The following PLEKHA7 variants were observed in gnomAD, a reference collection of about 807,000 sequenced individuals.
The protein encoded by PLEKHA7 is pleckstrin homology domain-containing family A member 7.
A neutral mutation model predicts 170.0 loss-of-function variants in PLEKHA7; 104 were observed. That is an observed-to-expected ratio of 0.61 (90% CI 0.52 to 0.72). The LOEUF is 0.72. Ranked by LOEUF, PLEKHA7 falls within the 30% of genes least tolerant of loss-of-function variation. The pLI is 0.00. For synonymous variants in PLEKHA7, 648 were observed against 660.8 expected (o/e 0.98, Z 0.30); for missense variants, 1,615 against 1,671.7 (o/e 0.97, Z 0.59).
chr11:16,794,808 C>T, intron 18 of PLEKHA7, 94 bp from the exon 19 acceptor site: 2 of 1,518,454 alleles, frequency 1.3e-6, no homozygotes, highest in Non-Finnish European at 1.8e-6. Context: ...GAAGACTCAA[C>T]CTCCCCAAGG....
rs12293137 is a variant in PLEKHA7 at position 16,910,019 on chromosome 11, G to A, written c.222-38837C>T. On this transcript the variant is annotated intron_variant, in intron 3 of 26. Coordinates refer to ENST00000531066, the MANE Select transcript of PLEKHA7 (RefSeq NM_001329630.2). Reference sequence around the variant, plus strand: ...GTAGATCAAATTTAAAGTGGGAGAGGGGAAGATTAACTTTATGGGAAGATG... The same window carrying A: ...GTAGATCAAATTTAAAGTGGGAGAGAGGAAGATTAACTTTATGGGAAGATG... 3.5e-3 allele frequency among the ~76,000 whole-genome samples: 538 copies of A among 152,014 alleles called. 6 individuals carry two copies. The highest frequency in any genetic ancestry group is 0.012 in the African/African-American group (509 of 41,472).
chr11:16,936,558 C>T (rs1860319515), intron 3 of PLEKHA7, among the ~76,000 whole-genome samples: 1 of 152,202 alleles, frequency 6.6e-6, no homozygotes, highest in African/African-American at 2.4e-5. Context: ...CTCTCCCAAT[C>T]ATTGGGCAAA....
intron 10 of PLEKHA7, 48 bp downstream of exon 10, chr11:16,826,069 CACT>C: frequency 6.5e-7 from 1 of 1,544,832 alleles, no homozygotes; most frequent in Non-Finnish European, 8.8e-7. Flanking sequence ...CAGCTCTTGC[CACT>C]ACATTATCGT....
At chr11:16,926,142 T>C (rs565385782) in intron 3 of PLEKHA7, among the ~76,000 whole-genome samples, 1 of 152,304 alleles carries the variant, frequency 6.6e-6, no homozygotes, top group African/African-American at 2.4e-5. Context: ...CCCTGGTAAA[T>C]TGCGGGAACG....
chr11:16,906,224 T>TAGGAAGGAAGGAAGGAACGAAGGA (rs1857655023), intron 3 of PLEKHA7, among the ~76,000 whole-genome samples: 8 of 116,222 alleles, frequency 6.9e-5, no homozygotes, highest in African/African-American at 3.0e-4. Flanking sequence ...TAAAATGAGG[T>TAGGAAGGAAGGAAGGAACGAAGGA]AGGAAGGAAG....
intron 8 of PLEKHA7, among the ~76,000 whole-genome samples, chr11:16,846,927 A>C (rs2135352814): frequency 6.6e-6 from 1 of 152,172 alleles, no homozygotes; most frequent in Non-Finnish European, 1.5e-5. Context: ...AACCATTTAC[A>C]GTGCAGTGAG....
At chr11:16,841,795 A>G in intron 8 of PLEKHA7, 73 bp from the exon 9 acceptor site, 1 of 1,469,888 alleles carries the variant, frequency 6.8e-7, no homozygotes, top group Non-Finnish European at 9.2e-7. Context: ...AAAAGCAAGG[A>G]GGCACTATGG....
intron 7 of PLEKHA7, among the ~76,000 whole-genome samples, chr11:16,852,072 T>C (rs1451799029): frequency 1.3e-5 from 2 of 152,202 alleles, no homozygotes; most frequent in Non-Finnish European, 2.9e-5. Flanking sequence ...CTCTCCAGAG[T>C]ACCTCAAAGG....
chr11:16,782,225 A>G (rs866600512), intron 26 of PLEKHA7, among the ~76,000 whole-genome samples: 27 of 152,224 alleles, frequency 1.8e-4, no homozygotes, highest in African/African-American at 6.5e-4. Context: ...ATTGGACTGC[A>G]AAGTCCCACT....
rs538718811 is a variant in PLEKHA7, at chr11:16,858,137, T to A, written c.306-2223A>T. On this transcript the variant is annotated intron_variant, in intron 4 of 26. Transcript: ENST00000531066. ...AAAACATCACCCATAGTCCAGCTAC[T>A]GAAAGGAAAACCATTTGTAACACTT... 2.0e-5 allele frequency among the ~76,000 whole-genome samples: 3 copies of A among 152,364 alleles called. No homozygotes were observed. In the East Asian group the frequency reaches 5.8e-4, roughly 29 times the overall value.
At chr11:16,892,432 G>GTTGTGTTTTGTTTTGTTT (rs763934828) in intron 3 of PLEKHA7, among the ~76,000 whole-genome samples, 3 of 115,022 alleles carry the variant, frequency 2.6e-5, no homozygotes, top group East Asian at 2.5e-4. Flanking sequence ...GTGTGTGTGT[G>GTTGTGTTTTGTTTTGTTT]TGTTTTGTTT....
chr11:16,971,878 C>T (rs1367164868), intron 3 of PLEKHA7, among the ~76,000 whole-genome samples: 3 of 151,950 alleles, frequency 2.0e-5, no homozygotes, highest in African/African-American at 4.8e-5. Flanking sequence ...GGCTGGAGTG[C>T]AGTGGCACCA....
At chr11:16,971,498 G>A (rs1205517944) in intron 3 of PLEKHA7, among the ~76,000 whole-genome samples, 2 of 152,224 alleles carry the variant, frequency 1.3e-5, no homozygotes, top group African/African-American at 2.4e-5. Context: ...TCCAGGTTAG[G>A]TGAGTTCCAA....
rs567597266 is a variant in PLEKHA7 at position 16,875,890 on chromosome 11, C to G, written c.222-4708G>C. ...ACCTAAAAGGGCAGGTTAGGTATCA[C>G]CACACCAGGCTCCAAATGAAGAAAG... On this transcript the variant is annotated intron_variant, in intron 3 of 26. Transcript: ENST00000531066. 2.6e-5 allele frequency among the ~76,000 whole-genome samples: 4 copies of G among 152,298 alleles called. No homozygotes were observed. In the South Asian group the frequency reaches 8.3e-4, roughly 32 times the overall value.
chr11:16,787,330 T>C lies in PLEKHA7; in HGVS notation c.3358-943A>G, dbSNP rs573583133. On this transcript the variant is annotated intron_variant, in intron 23 of 26. Coordinates refer to ENST00000531066, the MANE Select transcript of PLEKHA7 (RefSeq NM_001329630.2). ...AAGCCCCAAATGGTCCTGATTGTCT[T>C]TGATGCCTCAAGTCCCTCCAGAACC... is the stretch of plus-strand genomic sequence containing the variant. The C allele has an allele frequency of 1.5e-4, 103 of 704,690 alleles. No individual in the cohort carries two copies. The African/African-American group carries it at 1.7e-3, about 12-fold the overall frequency. The allele number at this position is 704,690 out of a possible 1,614,324, so 43.7% of individuals were successfully genotyped here. A position where few individuals can be genotyped will look rare whatever the true frequency, so the allele number is the denominator to read the frequency against.
chr11:16,799,751 C>A (rs1848464970), intron 17 of PLEKHA7, among the ~76,000 whole-genome samples: 1 of 152,144 alleles, frequency 6.6e-6, no homozygotes, highest in African/African-American at 2.4e-5. Context: ...AAATGTTAGC[C>A]AGTGTGGATG....
At chr11:16,797,753 G>A (rs1327935122) in intron 17 of PLEKHA7, among the ~76,000 whole-genome samples, 1 of 152,208 alleles carries the variant, frequency 6.6e-6, no homozygotes, top group Non-Finnish European at 1.5e-5. Flanking sequence ...AAGTCCCCAA[G>A]CTGAGTGTTG....
At chr11:16,879,546 C>T (rs533814092) in intron 3 of PLEKHA7, among the ~76,000 whole-genome samples, 1 of 152,282 alleles carries the variant, frequency 6.6e-6, no homozygotes, top group South Asian at 2.1e-4. Context: ...CCACATCTGG[C>T]ACACACTCCA....
intron 3 of PLEKHA7, among the ~76,000 whole-genome samples, chr11:16,947,499 G>A (rs1861104409): frequency 6.6e-6 from 1 of 151,858 alleles, no homozygotes; most frequent in Admixed American, 6.6e-5. Context: ...GCTGAGGCAG[G>A]AGAATCACTT....
Sources: gnomAD v4.1 joint callset for allele counts (sites outside exome capture counted in the v4.1 genomes callset) on GRCh38, gnomAD v4.1.1 for gene constraint, MANE v1.5 for transcripts, NCBI Gene and HGNC (gene_info 2026-07-23, HGNC 2026-07-21) for gene names.